The following PRKCA variants were observed in gnomAD, a reference collection of about 807,000 sequenced individuals.
The protein encoded by PRKCA is protein kinase C alpha type.
PRKCA carries 27 observed loss-of-function variants against 87.0 expected under a neutral mutation model. The ratio of observed to expected loss-of-function variants is 0.31; its 90% CI spans 0.23 to 0.43. The LOEUF (loss-of-function observed/expected upper bound fraction) is 0.43. PRKCA is among the 20% of genes least tolerant of loss of function. The pLI, the probability that PRKCA is intolerant of heterozygous loss-of-function variation, is 1.00. For synonymous variants in PRKCA, 329 were observed against 311.1 expected, an observed-to-expected ratio of 1.06 and a Z score of -0.61; for missense variants, 518 against 852.3, an observed-to-expected ratio of 0.61 and a Z score of 4.88.
intron 3 of PRKCA, among the ~76,000 whole-genome samples, chr17:66,516,137 C>T (rs560163008): frequency 1.3e-5 from 2 of 152,140 alleles, no homozygotes; most frequent in Admixed American, 1.3e-4. Flanking sequence ...CCTGTAGAAA[C>T]GGCAGAGCAT....
intron 2 of PRKCA, among the ~76,000 whole-genome samples, chr17:66,387,701 G>T (rs4528611): frequency 0.79 from 120,530 of 152,136 alleles, 48,230 homozygotes; most frequent in South Asian, 0.87. Context: ...CTAAACTGTG[G>T]GGCTCCAACT....
chr17:66,432,018 C>T lies in PRKCA; in HGVS notation c.206-64183C>T, dbSNP rs939196621. Reference sequence around the variant, plus strand: ...TTTTTTATCCTTAGGCTGAAACATGCCCTGAAAGGAAGGGGAGAATGTTTT... The same window carrying T: ...TTTTTTATCCTTAGGCTGAAACATGTCCTGAAAGGAAGGGGAGAATGTTTT... On this transcript the variant is annotated intron_variant, in intron 2 of 16. Coordinates refer to ENST00000413366, the MANE Select transcript of PRKCA (RefSeq NM_002737.3). Among the ~76,000 whole-genome samples, 8 of 152,194 alleles carry T rather than the reference C, an allele frequency of 5.3e-5. No homozygotes were observed. The South Asian group carries it at 6.2e-4, about 12-fold the overall frequency.
intron 3 of PRKCA, among the ~76,000 whole-genome samples, chr17:66,582,992 C>CAGTTCTTCAGTTT (rs1461820044): frequency 7.6e-4 from 115 of 152,296 alleles, no homozygotes; most frequent in African/African-American, 2.6e-3. Flanking sequence ...GTTACTTACC[C>CAGTTCTTCAGTTT]TCTCTGTTCT....
chr17:66,342,291 G>A (rs11652118), intron 2 of PRKCA, among the ~76,000 whole-genome samples: 12,155 of 151,842 alleles, frequency 0.08, 649 homozygotes, highest in African/African-American at 0.15. Context: ...ACGTGGTGGC[G>A]CATGCCTGTC....
intron 3 of PRKCA, among the ~76,000 whole-genome samples, chr17:66,632,724 T>A (rs1971056088): frequency 6.6e-6 from 1 of 152,224 alleles, no homozygotes. Context: ...TAGAGATCTG[T>A]CCATGATTTT....
intron 3 of PRKCA, among the ~76,000 whole-genome samples, chr17:66,507,062 A>T (rs1917010758): frequency 6.6e-6 from 1 of 152,198 alleles, no homozygotes; most frequent in Admixed American, 6.5e-5. Context: ...TCTTGCATTT[A>T]TTCATTGTAT....
At chr17:66,317,327 C>G (rs1567768857) in intron 2 of PRKCA, among the ~76,000 whole-genome samples, 1 of 152,076 alleles carries the variant, frequency 6.6e-6, no homozygotes, top group East Asian at 1.9e-4. Flanking sequence ...CTGCAGTGTA[C>G]TGGTATCCTA....
rs1214212799 is a variant in PRKCA, at chr17:66,809,311, G to T, written c.*5274G>T. The T allele has an allele frequency of 6.6e-6, 1 of 152,546 alleles. No individual in the cohort carries two copies. 9.4% of individuals were successfully genotyped at this position (152,546 alleles called of 1,614,324 possible). On this transcript the variant is annotated 3_prime_UTR_variant, in exon 17 of 17. Transcript: ENST00000413366. ...CTGTGCCTCCCATTTATGTGATCAG[G>T]TGACAGTTAATAACCGTGGAGGTCA...
intron 9 of PRKCA, among the ~76,000 whole-genome samples, chr17:66,733,066 G>A (rs61762452): frequency 3.3e-3 from 496 of 151,538 alleles, no homozygotes; most frequent in African/African-American, 0.011. Flanking sequence ...CAGGAGAATG[G>A]CGTGAACCTG....
intron 2 of PRKCA, among the ~76,000 whole-genome samples, chr17:66,410,575 T>C (rs1010388343): frequency 1.3e-5 from 2 of 152,060 alleles, no homozygotes; most frequent in African/African-American, 4.8e-5. Context: ...AGTTGAACTT[T>C]TTGTTTGTTT....
intron 3 of PRKCA, among the ~76,000 whole-genome samples, chr17:66,634,192 A>G (rs1444127186): frequency 2.0e-5 from 3 of 152,190 alleles, no homozygotes; most frequent in Non-Finnish European, 4.4e-5. Context: ...TAGAATTTGA[A>G]TTTTTCACTT....
At chr17:66,312,235 G>T (rs1309212715) in intron 2 of PRKCA, among the ~76,000 whole-genome samples, 1 of 152,200 alleles carries the variant, frequency 6.6e-6, no homozygotes, top group Non-Finnish European at 1.5e-5. Flanking sequence ...TCCTGTTTCA[G>T]CCTCCCAAAG....
At chr17:66,526,478 C>G (rs187633006) in intron 3 of PRKCA, among the ~76,000 whole-genome samples, 4 of 152,250 alleles carry the variant, frequency 2.6e-5, no homozygotes, top group Non-Finnish European at 4.4e-5. Context: ...TGTGAATGGA[C>G]TCTGCGCCGT....
At chr17:66,451,110 A>G (rs995596118) in intron 2 of PRKCA, among the ~76,000 whole-genome samples, 6 of 152,212 alleles carry the variant, frequency 3.9e-5, no homozygotes, top group East Asian at 1.9e-4. Flanking sequence ...CTTTGACTCT[A>G]TTAACCAAGT....
At chr17:66,492,261 T>C (rs1473292342) in intron 2 of PRKCA, among the ~76,000 whole-genome samples, 1 of 152,124 alleles carries the variant, frequency 6.6e-6, no homozygotes. Context: ...TATTTTGGGA[T>C]AGGTAAAGCT....
intron 3 of PRKCA, among the ~76,000 whole-genome samples, chr17:66,503,847 C>T (rs1313181646): frequency 1.3e-5 from 2 of 152,060 alleles, no homozygotes; most frequent in Non-Finnish European, 2.9e-5. Flanking sequence ...TCTGTTTTTT[C>T]GAAGTGTACT....
At chr17:66,383,001 C>A (rs1241478384) in intron 2 of PRKCA, among the ~76,000 whole-genome samples, 1 of 152,182 alleles carries the variant, frequency 6.6e-6, no homozygotes, top group Non-Finnish European at 1.5e-5. Flanking sequence ...CCACATTATA[C>A]GTAACTGTGT....
rs565389120 is a variant in PRKCA, at chr17:66,548,409, C to T, written c.288+52126C>T. Among the ~76,000 whole-genome samples, 4 of 152,284 alleles carry T rather than the reference C, an allele frequency of 2.6e-5. No homozygotes were observed. In the South Asian group the frequency reaches 8.3e-4, roughly 32 times the overall value. ...TGATTTATAATGTTTGAGAGATCTACTGTGAGCAAAGTTCAACACACATGC... is the reference window on the plus strand; with the variant it reads ...TGATTTATAATGTTTGAGAGATCTATTGTGAGCAAAGTTCAACACACATGC... On this transcript the variant is annotated intron_variant, in intron 3 of 16. Coordinates refer to ENST00000413366, the MANE Select transcript of PRKCA (RefSeq NM_002737.3).
At chr17:66,721,513 A>G (rs181026039) in intron 8 of PRKCA, among the ~76,000 whole-genome samples, 89 of 151,930 alleles carry the variant, frequency 5.9e-4, no homozygotes, top group African/African-American at 2.1e-3. Flanking sequence ...TGGATTATTC[A>G]TGAGTTTTCT....
Sources: gnomAD v4.1 joint callset for allele counts (sites outside exome capture counted in the v4.1 genomes callset) on GRCh38, gnomAD v4.1.1 for gene constraint, MANE v1.5 for transcripts, NCBI Gene and HGNC (gene_info 2026-07-23, HGNC 2026-07-21) for gene names.